Variants in PTPRD observed in about 807,000 individuals in gnomAD.
PTPRD encodes the protein protein tyrosine phosphatase receptor type D, also known as receptor-type tyrosine-protein phosphatase delta.
Under a neutral mutation model 214.5 loss-of-function variants are expected in PTPRD, and 34 were observed. The observed-to-expected ratio is 0.16, with a 90% CI of 0.12 to 0.21. The LOEUF (loss-of-function observed/expected upper bound fraction) is 0.21, where lower values mean the gene tolerates loss of function less well. Among genes scored for constraint, PTPRD ranks in the 10% least tolerant of loss-of-function variants. PTPRD has a pLI of 1.00. For missense variants in PTPRD, 2,545 were observed against 2,398.7 expected, an observed-to-expected ratio of 1.06 and a Z score of -1.27; for synonymous variants, 1,128 against 845.7, an observed-to-expected ratio of 1.33 and a Z score of -5.79.
At position 9,314,806 on chromosome 9, in the gene PTPRD, C is replaced by T. The variant is rs184444558; in HGVS notation, c.-203+82643G>A. Among the ~76,000 whole-genome samples the T allele has an allele frequency of 6.2e-4, 94 of 152,074 alleles. 1 individual carries two copies. The highest frequency in any genetic ancestry group is 5.0e-3 in the Admixed American group (77 of 15,264). ...TCTAAAATATCTCTAGAGCTATTTA[C>T]TCTGTTTTATTTATTTTTATATATG... On this transcript the variant is annotated intron_variant, in intron 9 of 45. Coordinates refer to ENST00000381196, the MANE Select transcript of PTPRD (RefSeq NM_002839.4).
chr9:8,658,798 G>C (rs1348284766), intron 12 of PTPRD, among the ~76,000 whole-genome samples: 1 of 151,984 alleles, frequency 6.6e-6, no homozygotes, highest in African/African-American at 2.4e-5. Flanking sequence ...CCATTGTAGA[G>C]TATTTCCTTC....
At position 10,467,383 on chromosome 9, in the gene PTPRD, G is replaced by T. The variant is rs1461196332; in HGVS notation, c.-599-126366C>A. ...TTTCCTATCATATTATTACGAATAT[G>T]ATGATAACCAAAATTATTATTATTG... On this transcript the variant is annotated intron_variant, in intron 2 of 45. Coordinates refer to ENST00000381196, the MANE Select transcript of PTPRD (RefSeq NM_002839.4). Among the ~76,000 whole-genome samples, 5 of 152,266 alleles carry T rather than the reference G, an allele frequency of 3.3e-5. No individual in the cohort carries two copies. The East Asian group carries it at 9.7e-4, about 29-fold the overall frequency.
chr9:10,398,434 A>G (rs943237503), intron 2 of PTPRD, among the ~76,000 whole-genome samples: 2 of 151,834 alleles, frequency 1.3e-5, no homozygotes, highest in Non-Finnish European at 2.9e-5. Flanking sequence ...TTCTTTTACT[A>G]TAACCCATAA....
intron 7 of PTPRD, among the ~76,000 whole-genome samples, chr9:9,608,306 T>C (rs1479399774): frequency 2.3e-4 from 35 of 152,322 alleles, no homozygotes; most frequent in Non-Finnish European, 7.4e-5. Flanking sequence ...AAGTAATATA[T>C]ACAATTTTAA....
chr9:9,530,455 G>C (rs2154263498), intron 8 of PTPRD, among the ~76,000 whole-genome samples: 1 of 152,168 alleles, frequency 6.6e-6, no homozygotes, highest in Middle Eastern at 3.4e-3. Flanking sequence ...TAGAAAACCA[G>C]AACAGACCAA....
chr9:9,968,840 A>G (rs2094896440), intron 4 of PTPRD, among the ~76,000 whole-genome samples: 1 of 152,138 alleles, frequency 6.6e-6, no homozygotes, highest in Non-Finnish European at 1.5e-5. Flanking sequence ...ACTTAATGAA[A>G]AAGAACCAAA....
intron 35 of PTPRD, among the ~76,000 whole-genome samples, chr9:8,422,147 CAAAAAAAAAAAAAAAA>C (rs768623202): frequency 8.8e-5 from 3 of 33,992 alleles, no homozygotes; most frequent in African/African-American, 2.9e-4. Flanking sequence ...ACCCTGTCTC[CAAAAAAAAAAAAAAAA>C]AAAAAAAAAA....
chr9:10,164,971 T>C (rs1255264667), intron 3 of PTPRD, among the ~76,000 whole-genome samples: 1 of 151,144 alleles, frequency 6.6e-6, no homozygotes, highest in Admixed American at 6.6e-5. Context: ...ACCTGAACTA[T>C]CCAAAAGTCA....
chr9:9,908,534 A>T (rs78459505), intron 5 of PTPRD, among the ~76,000 whole-genome samples: 2,880 of 152,120 alleles, frequency 0.019, 85 homozygotes, highest in African/African-American at 0.065. Context: ...AGGGTTGTTA[A>T]TGTATATTAT....
chr9:9,835,037 G>C (rs1014131812), intron 5 of PTPRD, among the ~76,000 whole-genome samples: 1 of 151,800 alleles, frequency 6.6e-6, no homozygotes, highest in Non-Finnish European at 1.5e-5. Flanking sequence ...ATAGTAGATA[G>C]GGTACTTAGT....
chr9:8,588,839 G>T lies in PTPRD; in HGVS notation c.352+44478C>A, dbSNP rs1243246384. Among the ~76,000 whole-genome samples the T allele has an allele frequency of 3.3e-5, 5 of 151,824 alleles. No individual in the cohort carries two copies. The East Asian group carries it at 9.6e-4, about 29-fold the overall frequency. On this transcript the variant is annotated intron_variant, in intron 14 of 45. Coordinates refer to ENST00000381196, the MANE Select transcript of PTPRD (RefSeq NM_002839.4). ...CATTCTTCTTCAGAGAAATCTTTAGGCAACTTCCCTGTTTCAAAAGGATAA... is the reference window on the plus strand; with the variant it reads ...CATTCTTCTTCAGAGAAATCTTTAGTCAACTTCCCTGTTTCAAAAGGATAA...
chr9:9,683,286 C>A (rs968012956), intron 7 of PTPRD, among the ~76,000 whole-genome samples: 2 of 151,708 alleles, frequency 1.3e-5, no homozygotes, highest in East Asian at 3.9e-4. Flanking sequence ...GGGAATATTA[C>A]CAGGCACTCA....
intron 2 of PTPRD, among the ~76,000 whole-genome samples, chr9:10,464,851 C>G (rs1414520744): frequency 5.3e-5 from 8 of 151,918 alleles, no homozygotes; most frequent in Admixed American, 3.9e-4. Flanking sequence ...TTTGACATCC[C>G]TCCCAATAAA....
intron 9 of PTPRD, among the ~76,000 whole-genome samples, chr9:9,246,890 A>G (rs149459359): frequency 6.6e-6 from 1 of 152,014 alleles, no homozygotes; most frequent in African/African-American, 2.4e-5. Flanking sequence ...GCACTTTGGC[A>G]TGCTGAGTAA....
chr9:8,530,462 T>G (rs2075398171), intron 14 of PTPRD, among the ~76,000 whole-genome samples: 1 of 152,064 alleles, frequency 6.6e-6, no homozygotes, highest in Non-Finnish European at 1.5e-5. Context: ...TCAAACATAT[T>G]TCATTCTTTC....
intron 5 of PTPRD, among the ~76,000 whole-genome samples, chr9:9,809,130 T>C (rs1192739346): frequency 6.6e-6 from 1 of 151,988 alleles, no homozygotes; most frequent in African/African-American, 2.4e-5. Flanking sequence ...TTCTTTTGGG[T>C]CTCATATTTG....
In PTPRD at chr9:9,861,261, T is replaced by C. The variant is rs1196521230; in HGVS notation, c.-368+77246A>G. Among the ~76,000 whole-genome samples the C allele has an allele frequency of 2.0e-5, 3 of 152,106 alleles. No homozygotes were observed. In the East Asian group the frequency reaches 5.8e-4, roughly 29 times the overall value. ...CACATGGTATGAAAGTAATTAAGATTGAAATAGTTATTTTATTTTATTTTT... is the reference window on the plus strand; with the variant it reads ...CACATGGTATGAAAGTAATTAAGATCGAAATAGTTATTTTATTTTATTTTT... On this transcript the variant is annotated intron_variant, in intron 5 of 45. Coordinates refer to ENST00000381196, the MANE Select transcript of PTPRD (RefSeq NM_002839.4).
chr9:9,050,064 T>C (rs1477029568), intron 10 of PTPRD, among the ~76,000 whole-genome samples: 5 of 152,214 alleles, frequency 3.3e-5, no homozygotes, highest in African/African-American at 1.2e-4. Flanking sequence ...ACTTATCATC[T>C]ATGTGTGCTT....
At chr9:9,358,316 T>G (rs1041320994) in intron 9 of PTPRD, among the ~76,000 whole-genome samples, 2 of 151,328 alleles carry the variant, frequency 1.3e-5, no homozygotes, top group Non-Finnish European at 3.0e-5. Context: ...GGTAATGAAA[T>G]TATTTGATTT....
Sources: gnomAD v4.1 joint callset for allele counts (sites outside exome capture counted in the v4.1 genomes callset) on GRCh38, gnomAD v4.1.1 for gene constraint, MANE v1.5 for transcripts, NCBI Gene and HGNC (gene_info 2026-07-23, HGNC 2026-07-21) for gene names.